The following TANGO6 variants were observed in gnomAD, a reference collection of about 807,000 sequenced individuals.
TANGO6 encodes the protein transport and golgi organization 6 homolog.
Under a neutral mutation model 114.2 loss-of-function variants are expected in TANGO6, and 90 were observed. The observed-to-expected ratio is 0.79, with a 90% confidence interval of 0.66 to 0.94. TANGO6 has a LOEUF of 0.94. TANGO6 is among the 40% of genes least tolerant of loss of function. The pLI is 0.00. For missense variants in TANGO6, 1,274 were observed against 1,315.3 expected, an observed-to-expected ratio of 0.97 and a Z score of 0.49; for synonymous variants, 477 against 509.8, an observed-to-expected ratio of 0.94 and a Z score of 0.87.
chr16:68,866,789 T>A (rs1962184800), intron 3 of TANGO6, among the ~76,000 whole-genome samples: 2 of 151,848 alleles, frequency 1.3e-5, no homozygotes. Flanking sequence ...ATACAAAAAG[T>A]ACCCAGGCAT....
chr16:69,063,781 TTTC>T (rs575958202), intron 17 of TANGO6, among the ~76,000 whole-genome samples: 567 of 115,426 alleles, frequency 4.9e-3, no homozygotes, highest in South Asian at 0.021. Flanking sequence ...TAGCCATACT[TTTC>T]TTCTTCTTCT....
chr16:68,859,776 G>A, intron 1 of TANGO6, 108 bp from the exon 2 acceptor site: 1 of 1,292,516 alleles, frequency 7.7e-7, no homozygotes, highest in Non-Finnish European at 1.0e-6. Flanking sequence ...GCCAGTGACA[G>A]TGGCGCCCGG....
At chr16:69,072,070 G>GTGT in intron 17 of TANGO6, among the ~76,000 whole-genome samples, 5 of 84,194 alleles carry the variant, frequency 5.9e-5, no homozygotes, top group African/African-American at 1.2e-4. Context: ...TGTGTGTGTA[G>GTGT]AGAGAGGGAG....
At chr16:68,988,901 C>A (rs1020676881) in intron 15 of TANGO6, among the ~76,000 whole-genome samples, 1 of 152,050 alleles carries the variant, frequency 6.6e-6, no homozygotes, top group African/African-American at 2.4e-5. Context: ...GGATGTCACT[C>A]TGTCTTCCAG....
intron 15 of TANGO6, among the ~76,000 whole-genome samples, chr16:69,006,202 C>T (rs1964090783): frequency 6.6e-6 from 1 of 152,054 alleles, no homozygotes. Context: ...ATCCAGATCT[C>T]CTGCCTCCTC....
At chr16:68,863,973 G>A (rs1189343187) in intron 3 of TANGO6, among the ~76,000 whole-genome samples, 4 of 152,080 alleles carry the variant, frequency 2.6e-5, no homozygotes, top group Admixed American at 2.0e-4. Flanking sequence ...CCAGGAGTTC[G>A]AGACCAGCTT....
Position 68,974,184 on chromosome 16 carries a change from C to A in TANGO6, c.2842+16C>A. On this transcript the variant is annotated intron_variant, in intron 15 of 17. Transcript: ENST00000261778. ...AGGGCATTAGGTGAGTTTTCTTGTT[C>A]CATCCACCTGGAAAAGGGTGGAGGA... The A allele has an allele frequency of 6.2e-7, 1 of 1,613,706 alleles. No homozygotes were observed. Among genetic ancestry groups the A allele is most frequent in the East Asian group, 2.2e-5 (1 of 44,862 alleles).
Position 68,919,051 on chromosome 16 carries a change from TCC to T in TANGO6, c.1993-33_1993-32del, listed in dbSNP as rs1298567944. The T allele has an allele frequency of 8.8e-6, 14 of 1,591,604 alleles. No homozygotes were observed. In the Admixed American group the frequency reaches 1.6e-4, roughly 18 times the overall value. On this transcript the variant is annotated intron_variant, in intron 11 of 17. Transcript: ENST00000261778. ...GAGAATTATGATTTTTTTTTTTCAT[TCC>T]TCATTGATTCTCAATTCCCTTTTTT...
chr16:68,948,689 T>C (rs1963440876), intron 14 of TANGO6, among the ~76,000 whole-genome samples: 1 of 152,200 alleles, frequency 6.6e-6, no homozygotes, highest in African/African-American at 2.4e-5. Context: ...TGATTTTTGT[T>C]TTATTTTTGC....
At chr16:69,074,013 C>A (rs1287549818) in intron 17 of TANGO6, among the ~76,000 whole-genome samples, 1 of 151,682 alleles carries the variant, frequency 6.6e-6, no homozygotes, top group Non-Finnish European at 1.5e-5. Context: ...GGCCCCCGAC[C>A]TAGGAGACCT....
intron 17 of TANGO6, among the ~76,000 whole-genome samples, chr16:69,043,763 AT>A (rs1006779612): frequency 6.6e-6 from 1 of 152,164 alleles, no homozygotes; most frequent in Admixed American, 6.5e-5. Flanking sequence ...TGAAGTGAAA[AT>A]GCCACACTGT....
chr16:68,985,490 A>G (rs1301818202), intron 15 of TANGO6, among the ~76,000 whole-genome samples: 1 of 152,070 alleles, frequency 6.6e-6, no homozygotes, highest in East Asian at 1.9e-4. Flanking sequence ...CAGGCAGGTC[A>G]CTTGAGCCCA....
At chr16:69,056,714 A>G (rs1960037124) in intron 17 of TANGO6, among the ~76,000 whole-genome samples, 1 of 152,228 alleles carries the variant, frequency 6.6e-6, no homozygotes, top group African/African-American at 2.4e-5. Flanking sequence ...ACTAAAGCTC[A>G]TGAAGAGACA....
rs1962123563 is a variant in TANGO6, at chr16:68,863,003, A to C, written c.794A>C (p.Gln265Pro). The C allele has an allele frequency of 1.2e-6, 2 of 1,601,130 alleles. No homozygotes were observed. Among genetic ancestry groups the C allele is most frequent in the Non-Finnish European group, 1.7e-6 (2 of 1,174,086 alleles). Residue 265 changes from glutamine (Q) to proline (P), a missense_variant, in exon 3 of 18, where the codon CAA becomes CCA. Coordinates refer to ENST00000261778, the MANE Select transcript of TANGO6 (RefSeq NM_024562.2). ...GGGGCCTTGAGAGACATGCTGGATC[A>C]AGTCTATCAGCCCTTAGCAGTCCGG... is the stretch of plus-strand genomic sequence containing the variant. Reference protein sequence around the residue: ...SRGALRDMLDQVYQPLAVREL... With the variant: ...SRGALRDMLDPVYQPLAVREL...
intron 14 of TANGO6, among the ~76,000 whole-genome samples, chr16:68,966,031 A>G (rs1963641984): frequency 6.6e-6 from 1 of 150,516 alleles, no homozygotes; most frequent in African/African-American, 2.5e-5. Context: ...CAGGTGTTTG[A>G]GACCAGCTTA....
intron 15 of TANGO6, 71 bp from the exon 16 acceptor site, chr16:69,022,757 T>C: frequency 6.8e-7 from 1 of 1,479,216 alleles, no homozygotes; most frequent in Non-Finnish European, 9.1e-7. Context: ...ACTATGGAAA[T>C]ATAATTCTTC....
chr16:68,902,055 A>C (rs991381630), intron 8 of TANGO6, among the ~76,000 whole-genome samples: 5 of 151,974 alleles, frequency 3.3e-5, no homozygotes, highest in Non-Finnish European at 7.4e-5. Context: ...TTACCAAAAA[A>C]AAAAAAAAAA....
chr16:69,027,004 A>G (rs1959512996), intron 16 of TANGO6, among the ~76,000 whole-genome samples: 1 of 152,176 alleles, frequency 6.6e-6, no homozygotes, highest in African/African-American at 2.4e-5. Flanking sequence ...CTGGGATTAC[A>G]GGTATGAGCC....
chr16:69,005,528 A>G (rs1964084484), intron 15 of TANGO6, among the ~76,000 whole-genome samples: 1 of 152,158 alleles, frequency 6.6e-6, no homozygotes, highest in African/African-American at 2.4e-5. Flanking sequence ...ACGGTGGCTC[A>G]TGCCTGTAAT....
Sources: allele counts gnomAD v4.1 joint callset (sites outside exome capture counted in the v4.1 genomes callset), GRCh38; gene constraint gnomAD v4.1.1; transcripts MANE v1.5; gene names NCBI Gene and HGNC (gene_info 2026-07-23, HGNC 2026-07-21).